Variants in DYNC1H1 observed in about 807,000 individuals in gnomAD.
DYNC1H1 encodes dynein cytoplasmic 1 heavy chain 1.
Under a neutral mutation model 527.1 loss-of-function variants are expected in DYNC1H1, and 51 were observed. The observed-to-expected ratio is 0.10, with a 90% CI of 0.08 to 0.12. DYNC1H1 has a LOEUF of 0.12. Ranked by LOEUF, DYNC1H1 falls within the 10% of genes least tolerant of loss-of-function variation. DYNC1H1 has a pLI of 1.00. For missense variants in DYNC1H1, 2,771 were observed against 5,971.8 expected (o/e 0.46, Z 17.66); for synonymous variants, 2,189 against 2,278.8 (o/e 0.96, Z 1.12).
chr14:102,030,343 T>C (rs1050433560), intron 51 of DYNC1H1, 61 bp downstream of exon 51: 4 of 1,612,916 alleles, frequency 2.5e-6, no homozygotes, highest in Non-Finnish European at 1.7e-6. Flanking sequence ...AACATTACTG[T>C]GGAGTTCAGG....
rs1268538383 is a variant in DYNC1H1, at chr14:102,052,333, A to G, written c.*1770A>G. ...TCTTTTGTAGAGACAAGGTTTCACC[A>G]TGTTGCTCGGGCTGGTCTCGAACTC... On this transcript the variant is annotated 3_prime_UTR_variant, in exon 78 of 78. Transcript: ENST00000360184. 2.0e-5 allele frequency: 3 copies of G among 152,262 alleles called. No homozygotes were observed. The highest frequency in any genetic ancestry group is 6.6e-5 in the Admixed American group (1 of 15,266). 9.4% of individuals were successfully genotyped at this position (152,262 alleles called of 1,614,324 possible).
chr14:101,994,367 T>A (rs2048033132), intron 12 of DYNC1H1, 43 bp downstream of exon 12: 1 of 1,613,464 alleles, frequency 6.2e-7, no homozygotes. Context: ...TATGGTCTAT[T>A]CTAGACACTT....
rs34383305 is a variant in DYNC1H1, at chr14:101,984,450, A to ATTTT, written c.1461+860_1461+863dup. The stretch of plus-strand genomic sequence containing the variant: ...GTGTGTGTATATATATATATATTAT[A>ATTTT]TTTTTTTTTTTTTTTTTTTTTTGAG... On this transcript the variant is annotated intron_variant, in intron 7 of 77. Transcript: ENST00000360184. Among the ~76,000 whole-genome samples the ATTTT allele has an allele frequency of 7.1e-5, 5 of 69,966 alleles. 1 individual carries two copies. The highest frequency in any genetic ancestry group is 1.0e-4 in the Non-Finnish European group (4 of 38,454). 45.9% of individuals were successfully genotyped at this position (69,966 alleles called of 152,430 possible).
Position 102,017,171 on chromosome 14 carries a change from A to T in DYNC1H1, c.7932A>T (p.Thr2644=), listed in dbSNP as rs1448318407. Residue 2644 remains threonine (T), a synonymous_variant, in exon 39 of 78, where the codon ACA becomes ACT. Coordinates refer to ENST00000360184, the MANE Select transcript of DYNC1H1 (RefSeq NM_001376.5). This position sits in a 1 kb window ranked among gnomAD's most constrained non-coding sequence, Gnocchi z 4.6. ...ATCACTACTGCGAGTACAGGCGCAC[A>T]CCTAATGGGGTGGTTTTGGCTCCTG... is the stretch of plus-strand genomic sequence containing the variant. The part of the protein sequence containing the change: ...TFDHYCEYRR[T]PNGVVLAPVQ... 6.2e-7 allele frequency: 1 copy of T among 1,614,234 alleles called. No individual in the cohort carries two copies. The highest frequency in any genetic ancestry group is 1.7e-5 in the Admixed American group (1 of 60,028).
At chr14:102,047,620 CGTGTGT>C (rs71116873) in intron 72 of DYNC1H1, 191 bp from the exon 73 acceptor site, 3,686 of 323,648 alleles carry the variant, frequency 0.011, 35 homozygotes, top group Non-Finnish European at 0.015. Flanking sequence ...TATATATACA[CGTGTGT>C]GTGTGTGTGT....
chr14:101,971,084 T>C (rs2047732639), intron 1 of DYNC1H1, among the ~76,000 whole-genome samples: 1 of 136,074 alleles, frequency 7.3e-6, no homozygotes, highest in South Asian at 2.3e-4. Context: ...GCCGTATCAT[T>C]CTTTTTTTTT....
rs2047844058 is a variant in DYNC1H1 at position 101,979,941 on chromosome 14, T to G, written c.741T>G (p.Ser247=). 1.2e-6 allele frequency: 2 copies of G among 1,614,246 alleles called. No homozygotes were observed. Among genetic ancestry groups the G allele is most frequent in the Non-Finnish European group, 8.5e-7 (1 of 1,180,042 alleles). ...EDPTFLNQLQ[S]GVNRWIREIQ... ...CAACATTTCTTAATCAGTTACAATC[T>G]GGAGTTAACCGCTGGATCCGAGAAA... is the stretch of plus-strand genomic sequence containing the variant. Residue 247 remains serine (S), a synonymous_variant, in exon 4 of 78, where the codon TCT becomes TCG. Transcript: ENST00000360184. The surrounding 1 kb of genome is among the most constrained non-coding windows in gnomAD (Gnocchi z 4.6).
In DYNC1H1 at chr14:101,995,213, C is replaced by T; in HGVS notation, c.3477C>T (p.Asp1159=). The T allele has an allele frequency of 6.2e-7, 1 of 1,614,240 alleles. No individual in the cohort carries two copies. Among genetic ancestry groups the T allele is most frequent in the Non-Finnish European group, 8.5e-7 (1 of 1,180,052 alleles). Reference sequence around the variant, plus strand: ...AAGAGTTGGAGCAGCACTCAGTAGACACGGCCAGCACCTCCGATGCAGTGA... The same window carrying T: ...AAGAGTTGGAGCAGCACTCAGTAGATACGGCCAGCACCTCCGATGCAGTGA... ...SRQELEQHSV[D]TASTSDAVTF... Residue 1159 remains aspartate, a synonymous_variant, in exon 15 of 78, where the codon GAC becomes GAT. Transcript: ENST00000360184.
At chr14:102,019,261 C>T (rs1170059360) in intron 41 of DYNC1H1, among the ~76,000 whole-genome samples, 1 of 152,220 alleles carries the variant, frequency 6.6e-6, no homozygotes, top group Non-Finnish European at 1.5e-5. Flanking sequence ...AAAAAATAGT[C>T]ATTAACAAAA....
chr14:102,040,927 C>T, intron 64 of DYNC1H1: 1 of 548,556 alleles, frequency 1.8e-6, no homozygotes, highest in East Asian at 3.3e-5. Flanking sequence ...CACTGCACTC[C>T]AGCCTGGGCA....
chr14:102,032,730 G>A (rs955181210), intron 52 of DYNC1H1: 1 of 579,948 alleles, frequency 1.7e-6, no homozygotes, highest in Non-Finnish European at 3.0e-6. Context: ...GCATGCGCCT[G>A]TAGTCCTAGC....
Position 102,029,493 on chromosome 14 carries a change from C to G in DYNC1H1, c.9469-46C>G, listed in dbSNP as rs2048486322. 6.2e-7 allele frequency: 1 copy of G among 1,613,396 alleles called. No individual in the cohort carries two copies. Among genetic ancestry groups the G allele is most frequent in the Non-Finnish European group, 8.5e-7 (1 of 1,179,756 alleles). On this transcript the variant is annotated intron_variant, in intron 48 of 77. Transcript: ENST00000360184. This position sits in a 1 kb window ranked among gnomAD's most constrained non-coding sequence, Gnocchi z 5.3. Reference sequence around the variant, plus strand: ...CCAAAATTGTTTTCTGAGGTTAAGTCACAGAGTTTCCTGAAGAGTGAGAAG... The same window carrying G: ...CCAAAATTGTTTTCTGAGGTTAAGTGACAGAGTTTCCTGAAGAGTGAGAAG...
rs755471629 is a variant in DYNC1H1, at chr14:102,029,969, G to A, written c.9762+31G>A. On this transcript the variant is annotated intron_variant, in intron 50 of 77. Coordinates refer to ENST00000360184, the MANE Select transcript of DYNC1H1 (RefSeq NM_001376.5). The surrounding 1 kb of genome is among the most constrained non-coding windows in gnomAD (Gnocchi z 5.3). ...GTGTCAGGGAATTCTGGCCTGTAAGGACTGAGCATTTTCAGTCTCCAATGA... is the reference window on the plus strand; with the variant it reads ...GTGTCAGGGAATTCTGGCCTGTAAGAACTGAGCATTTTCAGTCTCCAATGA... 1.2e-6 allele frequency: 2 copies of A among 1,613,982 alleles called. No individual in the cohort carries two copies. Among genetic ancestry groups the A allele is most frequent in the South Asian group, 1.1e-5 (1 of 90,962 alleles).
chr14:102,007,499 G>T (rs1277491276), intron 28 of DYNC1H1, among the ~76,000 whole-genome samples: 1 of 152,104 alleles, frequency 6.6e-6, no homozygotes, highest in Admixed American at 6.5e-5. Flanking sequence ...AGGAAAGAAG[G>T]TGTTATACTT....
rs1307944527 is a variant in DYNC1H1 at position 102,027,400 on chromosome 14, A to G, written c.8904A>G (p.Thr2968=). The stretch of plus-strand genomic sequence containing the variant: ...TTCTGTAGGTCCATAGGAAGTACAC[A>G]GGGGAAGACTTTGATGAAGATCTAC... ...VYQIKVHRKY[T]GEDFDEDLRT... The change falls in exon 46 of 78, where the codon ACA becomes ACG. Residue 2968 remains threonine, a synonymous_variant. Transcript: ENST00000360184. The surrounding 1 kb of genome is among the most constrained non-coding windows in gnomAD (Gnocchi z 7.7). 11 of 1,614,152 alleles carry G rather than the reference A, an allele frequency of 6.8e-6. No homozygotes were observed. Among genetic ancestry groups the G allele is most frequent in the Non-Finnish European group, 9.3e-6 (11 of 1,180,026 alleles).
chr14:102,000,470 G>A, intron 18 of DYNC1H1, 71 bp downstream of exon 18: 11 of 1,432,094 alleles, frequency 7.7e-6, no homozygotes, highest in Non-Finnish European at 1.1e-5. Context: ...AACGTGACAA[G>A]CCAAGTTTGT....
chr14:101,991,283 G>A (rs2047995581), intron 10 of DYNC1H1, among the ~76,000 whole-genome samples: 1 of 152,140 alleles, frequency 6.6e-6, no homozygotes, highest in East Asian at 1.9e-4. Context: ...AGACCAACCT[G>A]ACCAACATGC....
chr14:102,004,636 G>A lies in DYNC1H1; in HGVS notation c.5002G>A (p.Glu1668Lys), dbSNP rs925942859. Reference protein sequence around the residue: ...FAGVSSIILNEDNSVVLGISS... With the variant: ...FAGVSSIILNKDNSVVLGISS... ...TGGAGTTTCGAGCATCATCCTGAAC[G>A]AGGATAACTCTGTTGTTTTGGGTAT... The change falls in exon 24 of 78, where the codon GAG becomes AAG. Residue 1668 changes from glutamate (E) to lysine (K), a missense_variant. By Grantham distance (56) the Glu-to-Lys change is moderately conservative. This residue lies in a region of DYNC1H1 where 105 missense variants were observed against 138.1 expected (regional missense o/e 0.76). Transcript: ENST00000360184. 7.4e-6 allele frequency: 12 copies of A among 1,614,090 alleles called. No individual in the cohort carries two copies. The highest frequency in any genetic ancestry group is 1.0e-5 in the Non-Finnish European group (12 of 1,180,052).
rs189352005 is a variant in DYNC1H1, at chr14:102,020,483, A to T, written c.8507+427A>T. On this transcript the variant is annotated intron_variant, in intron 42 of 77. Transcript: ENST00000360184. The surrounding 1 kb of genome is among the most constrained non-coding windows in gnomAD (Gnocchi z 4.3). ...CACTGCTGAGTTAAAAGGTCTCCCA[A>T]CAACTGCCCAGTGTGCGTGTTCCGT... 1.3e-5 allele frequency among the ~76,000 whole-genome samples: 2 copies of T among 152,300 alleles called. No homozygotes were observed. The highest frequency in any genetic ancestry group is 1.3e-4 in the Admixed American group (2 of 15,294).
Sources: allele counts gnomAD v4.1 joint callset (sites outside exome capture counted in the v4.1 genomes callset), GRCh38; gene constraint gnomAD v4.1.1; regional missense constraint gnomAD v4.1.1; non-coding constraint Gnocchi (gnomAD v3.1); transcripts MANE v1.5; gene names NCBI Gene and HGNC (gene_info 2026-07-23, HGNC 2026-07-21).